The following AHI1 variants were observed in gnomAD, a reference collection of about 807,000 sequenced individuals.
AHI1 encodes jouberin.
Under a neutral mutation model 149.3 loss-of-function variants are expected in AHI1, and 123 were observed. The ratio of observed to expected loss-of-function variants is 0.82; its 90% confidence interval spans 0.71 to 0.96. The LOEUF is 0.96. Among genes scored for constraint, AHI1 ranks in the 40% least tolerant of loss-of-function variants. The pLI is 0.00. For synonymous variants in AHI1, 475 were observed against 459.8 expected (o/e 1.03, Z -0.42); for missense variants, 1,439 against 1,422.7 (o/e 1.01, Z -0.18).
chr6:135,294,698 CA>C (rs56734547), intron 27 of AHI1, among the ~76,000 whole-genome samples: 4,398 of 68,114 alleles, frequency 0.065, 110 homozygotes, highest in African/African-American at 0.19. Context: ...TCTCCAAATG[CA>C]AAAAAAAAAA....
intron 14 of AHI1, among the ~76,000 whole-genome samples, chr6:135,439,165 C>G (rs1055223971): frequency 6.6e-6 from 1 of 152,216 alleles, no homozygotes; most frequent in Non-Finnish European, 1.5e-5. Flanking sequence ...AGCAGTCCCC[C>G]CTTATGTGCA....
At chr6:135,456,377 C>T (rs1242557324) in intron 9 of AHI1, among the ~76,000 whole-genome samples, 2 of 151,750 alleles carry the variant, frequency 1.3e-5, no homozygotes, top group African/African-American at 2.4e-5. Flanking sequence ...CTCGTTTCTA[C>T]AAAAAATAGA....
chr6:135,380,970 G>A (rs1776681327), intron 23 of AHI1, among the ~76,000 whole-genome samples: 1 of 152,002 alleles, frequency 6.6e-6, no homozygotes, highest in Non-Finnish European at 1.5e-5. Flanking sequence ...GCAAAGAGAA[G>A]TTATTTTTAA....
intron 20 of AHI1, among the ~76,000 whole-genome samples, chr6:135,414,835 T>TG (rs954014779): frequency 1.3e-3 from 199 of 151,974 alleles, no homozygotes; most frequent in African/African-American, 4.7e-3. Context: ...TTATTATACT[T>TG]TAAGTTTTAG....
intron 26 of AHI1, among the ~76,000 whole-genome samples, chr6:135,311,604 C>T (rs6904731): frequency 0.081 from 12,232 of 151,858 alleles, 1,576 homozygotes; most frequent in African/African-American, 0.27. Context: ...CTTTCCTCCC[C>T]AAATAAATGG....
intron 8 of AHI1, among the ~76,000 whole-genome samples, chr6:135,461,401 T>C (rs912205664): frequency 6.6e-6 from 1 of 151,934 alleles, no homozygotes; most frequent in Non-Finnish European, 1.5e-5. Flanking sequence ...ATTTAGTCAC[T>C]CCTAAGAATG....
chr6:135,350,180 C>T (rs1377680402), intron 24 of AHI1, among the ~76,000 whole-genome samples: 1 of 152,216 alleles, frequency 6.6e-6, no homozygotes, highest in East Asian at 1.9e-4. Context: ...TCCATCTCCT[C>T]TCATGACAAG....
At chr6:135,317,599 A>G (rs1414272450) in intron 26 of AHI1, among the ~76,000 whole-genome samples, 1 of 151,868 alleles carries the variant, frequency 6.6e-6, no homozygotes, top group African/African-American at 2.4e-5. Flanking sequence ...ACCAGAGTCT[A>G]CTGGACTTGC....
At chr6:135,477,481 A>G (rs1406966584) in intron 5 of AHI1, among the ~76,000 whole-genome samples, 1 of 152,128 alleles carries the variant, frequency 6.6e-6, no homozygotes, top group Non-Finnish European at 1.5e-5. Flanking sequence ...CTCATTGTTG[A>G]TATGGTTTGG....
At chr6:135,387,891 C>T (rs960047900) in intron 23 of AHI1, 83 of 1,564,622 alleles carry the variant, frequency 5.3e-5, no homozygotes, top group African/African-American at 1.4e-4. Flanking sequence ...GACATTTATC[C>T]GAAGAGAGAA....
chr6:135,391,864 T>C (rs914029717), intron 23 of AHI1, among the ~76,000 whole-genome samples: 2 of 152,028 alleles, frequency 1.3e-5, no homozygotes, highest in African/African-American at 4.8e-5. Context: ...CATGGGCAAG[T>C]GGGAAAGAGG....
Position 135,411,401 on chromosome 6 carries a change from C to T in AHI1, c.2908G>A (p.Glu970Lys), listed in dbSNP as rs775314657. ...SFQIDEFVHT[E>K]SSSTKMQLVK... ...AGCTGCATCTTCGTTGAAGAACTTT[C>T]AGTGTGGACAAATTCATCAATCTGA... The change falls in exon 21 of 29, where the codon GAA becomes AAA. Residue 970 changes from glutamate to lysine, a missense_variant. Transcript: ENST00000265602. The T allele has an allele frequency of 6.2e-7, 1 of 1,613,816 alleles. No individual in the cohort carries two copies. Among genetic ancestry groups the T allele is most frequent in the East Asian group, 2.2e-5 (1 of 44,866 alleles).
chr6:135,438,330 T>C, intron 15 of AHI1, 45 bp downstream of exon 15: 1 of 1,487,956 alleles, frequency 6.7e-7, no homozygotes, highest in Non-Finnish European at 9.0e-7. Context: ...TTGCTTTCCT[T>C]GACAGCAAAC....
chr6:135,340,366 G>C (rs932726212), intron 24 of AHI1, among the ~76,000 whole-genome samples: 10 of 150,036 alleles, frequency 6.7e-5, no homozygotes, highest in African/African-American at 2.0e-4. Flanking sequence ...GCGAGACTCT[G>C]TCTCAAAAAA....
chr6:135,479,928 C>A (rs1478756334), intron 5 of AHI1, among the ~76,000 whole-genome samples: 1 of 152,148 alleles, frequency 6.6e-6, no homozygotes, highest in Non-Finnish European at 1.5e-5. Context: ...TAGCACTTCT[C>A]CCTTTGCTCA....
rs763165069 is a variant in AHI1, at chr6:135,428,728, T to C, written c.2524A>G (p.Asn842Asp). ...GTACTATGAATCTTCTCCCGATAAT[T>C]TGCTGCTCCTACAAACTTCCTTGCT... Reference protein sequence around the residue: ...LVARKFVGAANYREKIHSTLT... With the variant: ...LVARKFVGAADYREKIHSTLT... The change falls in exon 19 of 29, where the codon AAT becomes GAT. Residue 842 changes from asparagine (N) to aspartate (D), a missense_variant. Transcript: ENST00000265602. 5 of 1,605,576 alleles carry C rather than the reference T, an allele frequency of 3.1e-6. No individual in the cohort carries two copies. The highest frequency in any genetic ancestry group is 3.4e-5 in the Admixed American group (2 of 59,244).
At chr6:135,389,771 T>C (rs947973130) in intron 23 of AHI1, among the ~76,000 whole-genome samples, 2 of 152,176 alleles carry the variant, frequency 1.3e-5, no homozygotes, top group Non-Finnish European at 2.9e-5. Flanking sequence ...AAAAATGAAA[T>C]ATGCTGTCCT....
intron 5 of AHI1, among the ~76,000 whole-genome samples, chr6:135,469,229 C>T (rs1791310497): frequency 6.6e-6 from 1 of 152,168 alleles, no homozygotes; most frequent in South Asian, 2.1e-4. Context: ...AAACATAATT[C>T]ATCACATGAA....
chr6:135,358,908 T>C (rs1793416791), intron 23 of AHI1, among the ~76,000 whole-genome samples: 1 of 152,230 alleles, frequency 6.6e-6, no homozygotes, highest in East Asian at 1.9e-4. Context: ...CAAGTGTGGG[T>C]CTTGTTTAAT....
Sources: gnomAD v4.1 joint callset for allele counts (sites outside exome capture counted in the v4.1 genomes callset) on GRCh38, gnomAD v4.1.1 for gene constraint, MANE v1.5 for transcripts, NCBI Gene and HGNC (gene_info 2026-07-23, HGNC 2026-07-21) for gene names.